MTAP: variants seen among roughly 807,000 people sequenced by gnomAD.
MTAP encodes methylthioadenosine phosphorylase, also known as S-methyl-5'-thioadenosine phosphorylase.
A neutral mutation model predicts 33.6 loss-of-function variants in MTAP; 33 were observed. The ratio of observed to expected loss-of-function variants is 0.98; its 90% CI spans 0.74 to 1.31. The LOEUF (loss-of-function observed/expected upper bound fraction) is 1.31. Ranked by LOEUF, MTAP falls within the 40% of genes most tolerant of loss-of-function variation. The probability of loss-of-function intolerance (pLI) is 0.00; values close to 1 mark genes in which losing one functional copy is unlikely to be tolerated. For synonymous variants in MTAP, 148 were observed against 125.7 expected (o/e 1.18, Z -1.19); for missense variants, 367 against 360.0 (o/e 1.02, Z -0.16).
intron 4 of MTAP, among the ~76,000 whole-genome samples, chr9:21,823,900 G>A (rs993977346): frequency 1.2e-4 from 19 of 152,160 alleles, no homozygotes; most frequent in African/African-American, 4.3e-4. Flanking sequence ...TGATGGAATC[G>A]GCTACTGAGG....
chr9:21,863,622 CA>C lies in MTAP; in HGVS notation c.*1622del, dbSNP rs11358276. On this transcript the variant is annotated 3_prime_UTR_variant, in exon 8 of 8. Transcript: ENST00000644715. ...TGGGCAACAGAGTAAGACTCAGTCT[CA>C]AAAAAAAAAAAAAGAGTGAAATGCT... 308,426 of 791,118 alleles carry C rather than the reference CA, an allele frequency of 0.39. 16,781 individuals carry two copies. The highest frequency in any genetic ancestry group is 0.59 in the African/African-American group (30,970 of 52,076). 49.0% of individuals were successfully genotyped at this position (791,118 alleles called of 1,614,324 possible).
intron 5 of MTAP, among the ~76,000 whole-genome samples, chr9:21,843,017 A>G (rs1825289573): frequency 6.6e-6 from 1 of 152,218 alleles, no homozygotes; most frequent in South Asian, 2.1e-4. Context: ...AGTCTTCAGG[A>G]GAATCACCTA....
At chr9:21,851,036 G>T (rs1411959198) in intron 5 of MTAP, among the ~76,000 whole-genome samples, 3 of 152,184 alleles carry the variant, frequency 2.0e-5, no homozygotes, top group Non-Finnish European at 4.4e-5. Context: ...TGGAAGTAAA[G>T]AAGAGTACAC....
At chr9:21,893,563 G>A (rs908236322) in intron 1 of MTAP, 4 of 151,946 alleles carry the variant, frequency 2.6e-5, no homozygotes, top group Non-Finnish European at 5.9e-5. Flanking sequence ...AATGACCAAA[G>A]GGACATTACC....
chr9:21,844,884 T>C (rs1825339868), intron 5 of MTAP, among the ~76,000 whole-genome samples: 1 of 151,976 alleles, frequency 6.6e-6, no homozygotes, highest in Non-Finnish European at 1.5e-5. Context: ...ACAAAAAAAT[T>C]AGCCGGGCAT....
chr9:21,891,670 G>A (rs1264719146), intron 1 of MTAP, among the ~76,000 whole-genome samples: 1 of 152,174 alleles, frequency 6.6e-6, no homozygotes. Flanking sequence ...TGGCAGAAAG[G>A]GAGCAAGAGC....
chr9:21,902,332 G>C (rs1254367168), intron 1 of MTAP, among the ~76,000 whole-genome samples: 1 of 152,182 alleles, frequency 6.6e-6, no homozygotes, highest in Non-Finnish European at 1.5e-5. Flanking sequence ...ATTTAGTTCA[G>C]AGTCTTAAGT....
chr9:21,885,065 T>C (rs1818088145), intron 1 of MTAP, among the ~76,000 whole-genome samples: 1 of 152,198 alleles, frequency 6.6e-6, no homozygotes, highest in South Asian at 2.1e-4. Flanking sequence ...ATAGTTAAGC[T>C]GATGTTTGCT....
At chr9:21,853,164 TGAGGACTTGTCAA>T (rs1825557288) in intron 5 of MTAP, among the ~76,000 whole-genome samples, 1 of 152,084 alleles carries the variant, frequency 6.6e-6, no homozygotes, top group Admixed American at 6.6e-5. Flanking sequence ...AGAGTGACAG[TGAGGACTTGTCAA>T]GAGCCATTCA....
intron 1 of MTAP, among the ~76,000 whole-genome samples, chr9:21,924,310 T>C (rs952609755): frequency 1.2e-4 from 19 of 152,158 alleles, no homozygotes; most frequent in African/African-American, 4.6e-4. Flanking sequence ...TTTGGATGCA[T>C]CCTCAAGAAC....
chr9:21,849,283 G>T (rs923060148), intron 5 of MTAP, among the ~76,000 whole-genome samples: 7 of 152,102 alleles, frequency 4.6e-5, no homozygotes, highest in Admixed American at 1.3e-4. Context: ...ACTGTGCACT[G>T]GGGAAAGGGA....
chr9:21,833,552 C>G (rs1472845899), intron 4 of MTAP, among the ~76,000 whole-genome samples: 1 of 152,138 alleles, frequency 6.6e-6, no homozygotes, highest in African/African-American at 2.4e-5. Context: ...TCATGACTGC[C>G]TATTCACGCT....
chr9:21,926,745 T>A (rs1008056979), intron 1 of MTAP, among the ~76,000 whole-genome samples: 3 of 152,044 alleles, frequency 2.0e-5, no homozygotes, highest in Non-Finnish European at 4.4e-5. Flanking sequence ...TACAAGAGAG[T>A]TATGAATCCT....
chr9:21,940,565 G>C (rs1819121171), downstream of MTAP, among the ~76,000 whole-genome samples: 1 of 152,120 alleles, frequency 6.6e-6, no homozygotes, highest in Non-Finnish European at 1.5e-5. Context: ...CTTCTACCGA[G>C]CTGACTACAA....
At chr9:21,895,230 C>G (rs1053735934) in intron 1 of MTAP, among the ~76,000 whole-genome samples, 1 of 152,128 alleles carries the variant, frequency 6.6e-6, no homozygotes, top group South Asian at 2.1e-4. Context: ...CAAGCCTAAG[C>G]AAAATGAACA....
intron 1 of MTAP, among the ~76,000 whole-genome samples, chr9:21,806,621 A>G (rs1369976579): frequency 6.6e-6 from 1 of 151,960 alleles, no homozygotes; most frequent in Non-Finnish European, 1.5e-5. Context: ...CCAGGCAGGG[A>G]GTGAGGATAT....
intron 6 of MTAP, among the ~76,000 whole-genome samples, chr9:21,858,746 G>A (rs941108482): frequency 6.6e-6 from 1 of 152,190 alleles, no homozygotes; most frequent in Non-Finnish European, 1.5e-5. Context: ...GCTTTTCAGA[G>A]ATGTCACTGA....
chr9:21,824,080 A>G (rs1002770877), intron 4 of MTAP, among the ~76,000 whole-genome samples: 10 of 152,098 alleles, frequency 6.6e-5, no homozygotes, highest in African/African-American at 2.2e-4. Context: ...GAGAAGTTTG[A>G]TTGTCTGAAG....
intron 5 of MTAP, among the ~76,000 whole-genome samples, chr9:21,853,966 A>C (rs1825575046): frequency 6.6e-6 from 1 of 152,230 alleles, no homozygotes; most frequent in Admixed American, 6.5e-5. Flanking sequence ...TAAATAAAAC[A>C]CTGGAGAAAA....
Sources: allele counts gnomAD v4.1 joint callset (sites outside exome capture counted in the v4.1 genomes callset), GRCh38; gene constraint gnomAD v4.1.1; transcripts MANE v1.5; gene names NCBI Gene and HGNC (gene_info 2026-07-23, HGNC 2026-07-21).